Variants in DIP2B observed in about 807,000 individuals in gnomAD.
The protein encoded by DIP2B is DIP2 acetate--CoA ligase B (putative), also known as disco-interacting protein 2 homolog B.
A neutral mutation model predicts 198.0 loss-of-function variants in DIP2B; 76 were observed. That is an observed-to-expected ratio of 0.38 (90% confidence interval 0.32 to 0.46). The LOEUF (loss-of-function observed/expected upper bound fraction) is 0.46. DIP2B is among the 20% of genes least tolerant of loss of function. The pLI is 0.99. For synonymous variants in DIP2B, 701 were observed against 739.1 expected (o/e 0.95, Z 0.84); for missense variants, 1,559 against 1,978.4 (o/e 0.79, Z 4.02).
intron 1 of DIP2B, among the ~76,000 whole-genome samples, chr12:50,512,005 C>T (rs1156854447): frequency 6.7e-6 from 1 of 149,392 alleles, no homozygotes; most frequent in African/African-American, 2.5e-5. Flanking sequence ...TCAGCCCAGG[C>T]TGGTCTCAAA....
chr12:50,652,371 G>GCA (rs903825618), intron 3 of DIP2B, among the ~76,000 whole-genome samples: 5 of 124,422 alleles, frequency 4.0e-5, no homozygotes, highest in African/African-American at 9.3e-5. Flanking sequence ...ACACACACAC[G>GCA]CACACACACA....
intron 14 of DIP2B, among the ~76,000 whole-genome samples, chr12:50,694,004 C>T (rs573825004): frequency 1.3e-5 from 2 of 152,180 alleles, no homozygotes; most frequent in East Asian, 1.9e-4. Flanking sequence ...AATTGCATGA[C>T]CCCTCAACAC....
chr12:50,710,518 G>A lies in DIP2B; in HGVS notation c.2649+1956G>A, dbSNP rs113675403. ...GACTCACTGCAACCTCCGCCTCCTG[G>A]GTTCAAGCGATTCTCCTGTCTCAGA... On this transcript the variant is annotated intron_variant, in intron 22 of 37. Transcript: ENST00000301180. Among the ~76,000 whole-genome samples, 26 of 152,098 alleles carry A rather than the reference G, an allele frequency of 1.7e-4. 1 individual carries two copies. Among genetic ancestry groups the A allele is most frequent in the African/African-American group, 5.8e-4 (24 of 41,478 alleles).
At chr12:50,575,408 G>A (rs1958650591) in intron 1 of DIP2B, among the ~76,000 whole-genome samples, 1 of 151,418 alleles carries the variant, frequency 6.6e-6, no homozygotes, top group Non-Finnish European at 1.5e-5. Context: ...TTTGAGACAG[G>A]GTCTCGCTCT....
chr12:50,511,289 C>CTTTTTTTTTTTTTT (rs1316212138), intron 1 of DIP2B, among the ~76,000 whole-genome samples: 3 of 20,952 alleles, frequency 1.4e-4, no homozygotes, highest in Admixed American at 6.2e-4. Context: ...AGTGTGATTT[C>CTTTTTTTTTTTTTT]TATTTTTTTT....
chr12:50,663,555 C>CAAATAAATAAATAAATAAAT (rs60815215), intron 4 of DIP2B, among the ~76,000 whole-genome samples: 6,793 of 141,760 alleles, frequency 0.048, 229 homozygotes, highest in Non-Finnish European at 0.069. Context: ...GACTCCGTCT[C>CAAATAAATAAATAAATAAAT]AAATAAATAA....
At chr12:50,601,991 A>G (rs1958940905) in intron 1 of DIP2B, among the ~76,000 whole-genome samples, 1 of 152,210 alleles carries the variant, frequency 6.6e-6, no homozygotes, top group Non-Finnish European at 1.5e-5. Flanking sequence ...TCAGAGAGCA[A>G]AAATTCTTTC....
chr12:50,525,822 T>G (rs1958159592), intron 1 of DIP2B, among the ~76,000 whole-genome samples: 2 of 152,166 alleles, frequency 1.3e-5, no homozygotes, highest in South Asian at 4.1e-4. Context: ...CACCTCTATG[T>G]CTTGTTCCTT....
At chr12:50,666,556 G>C (rs1156289519) in intron 4 of DIP2B, among the ~76,000 whole-genome samples, 1 of 152,168 alleles carries the variant, frequency 6.6e-6, no homozygotes, top group Non-Finnish European at 1.5e-5. Flanking sequence ...TGGTGAGGTG[G>C]TGCTTACTTC....
chr12:50,693,639 T>A (rs1939257139), intron 14 of DIP2B, among the ~76,000 whole-genome samples: 1 of 152,224 alleles, frequency 6.6e-6, no homozygotes, highest in Non-Finnish European at 1.5e-5. Context: ...GTAAATTTAC[T>A]TTCTAGCTCT....
At chr12:50,573,190 C>A (rs2139409976) in intron 1 of DIP2B, among the ~76,000 whole-genome samples, 1 of 152,362 alleles carries the variant, frequency 6.6e-6, no homozygotes, top group South Asian at 2.1e-4. Context: ...TCCCCAAATA[C>A]AGCCACGTAT....
intron 1 of DIP2B, among the ~76,000 whole-genome samples, chr12:50,557,433 G>A (rs568674705): frequency 7.2e-5 from 11 of 152,224 alleles, no homozygotes; most frequent in Non-Finnish European, 1.2e-4. Context: ...ACTTTGGGGC[G>A]GGCACCATCC....
At chr12:50,619,477 C>T (rs1366219240) in intron 1 of DIP2B, among the ~76,000 whole-genome samples, 1 of 152,142 alleles carries the variant, frequency 6.6e-6, no homozygotes, top group African/African-American at 2.4e-5. Flanking sequence ...GTCGTCTGCT[C>T]CGTGAAGCAT....
At chr12:50,571,234 C>T (rs1161836193) in intron 1 of DIP2B, among the ~76,000 whole-genome samples, 4 of 148,260 alleles carry the variant, frequency 2.7e-5, no homozygotes, top group South Asian at 2.2e-4. Context: ...TGCTGTGGCA[C>T]GATCTCGGTT....
intron 1 of DIP2B, among the ~76,000 whole-genome samples, chr12:50,578,608 T>C (rs957168282): frequency 1.8e-4 from 27 of 148,438 alleles, no homozygotes; most frequent in African/African-American, 5.7e-4. Context: ...CCCGGGTTCA[T>C]GCCATTCTCC....
At chr12:50,649,125 A>G (rs948507750) in intron 3 of DIP2B, among the ~76,000 whole-genome samples, 1 of 152,196 alleles carries the variant, frequency 6.6e-6, no homozygotes, top group Non-Finnish European at 1.5e-5. Flanking sequence ...GTGGAAAGAG[A>G]TCCCTTGTTC....
At chr12:50,650,935 A>G (rs1938441629) in intron 3 of DIP2B, among the ~76,000 whole-genome samples, 1 of 152,192 alleles carries the variant, frequency 6.6e-6, no homozygotes, top group Admixed American at 6.5e-5. Flanking sequence ...AGTGGTGCAC[A>G]AGGATTCCCA....
intron 3 of DIP2B, among the ~76,000 whole-genome samples, chr12:50,646,924 A>G (rs906037387): frequency 6.6e-6 from 1 of 152,064 alleles, no homozygotes; most frequent in African/African-American, 2.4e-5. Context: ...TGTAGAAGGT[A>G]AGTTGAATTC....
intron 19 of DIP2B, among the ~76,000 whole-genome samples, chr12:50,703,327 AG>A (rs1326753473): frequency 6.6e-6 from 1 of 152,102 alleles, no homozygotes; most frequent in African/African-American, 2.4e-5. Context: ...ACATAGTACT[AG>A]CCAGGACATG....
Sources: gnomAD v4.1 joint callset for allele counts (sites outside exome capture counted in the v4.1 genomes callset) on GRCh38, gnomAD v4.1.1 for gene constraint, MANE v1.5 for transcripts, NCBI Gene and HGNC (gene_info 2026-07-23, HGNC 2026-07-21) for gene names.